The following MYO15A variants were observed in gnomAD, a reference collection of about 807,000 sequenced individuals.
The protein encoded by MYO15A is unconventional myosin-XV.
Under a neutral mutation model 394.6 loss-of-function variants are expected in MYO15A, and 308 were observed. That is an observed-to-expected ratio of 0.78 (90% CI 0.71 to 0.86). The LOEUF (loss-of-function observed/expected upper bound fraction) is 0.86. MYO15A is among the 40% of genes least tolerant of loss of function. The pLI, the probability that MYO15A is intolerant of heterozygous loss-of-function variation, is 0.00. For missense variants in MYO15A, 4,606 were observed against 4,799.1 expected, an observed-to-expected ratio of 0.96 and a Z score of 1.19; for synonymous variants, 1,957 against 2,003.8, an observed-to-expected ratio of 0.98 and a Z score of 0.62.
chr17:18,132,813 C>T lies in MYO15A; in HGVS notation c.4320+247C>T, dbSNP rs535948033. On this transcript the variant is annotated intron_variant, in intron 11 of 65. Transcript: ENST00000647165. This position sits in a 1 kb window ranked among gnomAD's most constrained non-coding sequence, Gnocchi z 4.6. ...GGAACCTGGAACAGAACCAACCAGT[C>T]TAGAGTTTCTACACTTCCCCTCTCT... is the stretch of plus-strand genomic sequence containing the variant. 6.6e-6 allele frequency among the ~76,000 whole-genome samples: 1 copy of T among 152,336 alleles called. No individual in the cohort carries two copies. Among genetic ancestry groups the T allele is most frequent in the African/African-American group, 2.4e-5 (1 of 41,580 alleles).
At position 18,124,584 on chromosome 17, in the gene MYO15A, C is replaced by T. The variant is rs758485233; in HGVS notation, c.3692+19C>T. 14 of 1,611,376 alleles carry T rather than the reference C, an allele frequency of 8.7e-6. No individual in the cohort carries two copies. The highest frequency in any genetic ancestry group is 1.1e-5 in the Non-Finnish European group (13 of 1,179,344). On this transcript the variant is annotated intron_variant, in intron 3 of 65. Coordinates refer to ENST00000647165, the MANE Select transcript of MYO15A (RefSeq NM_016239.4). ...AGCTGGAGTGAGTGGGCAGGGCCGG[C>T]GGGGTCAGCAAGGGGTCACCATGGG... is the stretch of plus-strand genomic sequence containing the variant.
At chr17:18,128,154 C>G (rs746136030) in intron 7 of MYO15A, among the ~76,000 whole-genome samples, 1 of 152,028 alleles carries the variant, frequency 6.6e-6, no homozygotes. Flanking sequence ...GGAGAACTGT[C>G]GGAGGGTGAC....
intron 1 of MYO15A, among the ~76,000 whole-genome samples, chr17:18,113,022 G>A (rs2045740599): frequency 6.6e-6 from 1 of 151,898 alleles, no homozygotes; most frequent in Non-Finnish European, 1.5e-5. Flanking sequence ...TAATTTTTTT[G>A]TATTTTAGTA....
At position 18,118,596 on chromosome 17, in the gene MYO15A, CG is replaced by C. The variant is rs1243526715; in HGVS notation, c.-204del. ...TACTGCTCTAGGGTGAAACCCAAGG[CG>C]CTCTAGAGGAGATGAATTATGGATC... On this transcript the variant is annotated 5_prime_UTR_variant, in exon 2 of 66. The change abolishes the stop of an existing upstream ORF in the 5' untranslated region. Coordinates refer to ENST00000647165, the MANE Select transcript of MYO15A (RefSeq NM_016239.4). The C allele has an allele frequency of 1.5e-6, 1 of 681,348 alleles. No homozygotes were observed. Among genetic ancestry groups the C allele is most frequent in the African/African-American group, 1.8e-5 (1 of 55,294 alleles). 42.2% of individuals were successfully genotyped at this position (681,348 alleles called of 1,614,324 possible). A position where few individuals can be genotyped will look rare whatever the true frequency, so the allele number is the denominator to read the frequency against.
intron 56 of MYO15A, among the ~76,000 whole-genome samples, 191 bp downstream of exon 56, chr17:18,160,208 T>C (rs1324008469): frequency 6.6e-6 from 1 of 152,246 alleles, no homozygotes; most frequent in East Asian, 1.9e-4. Flanking sequence ...CTCTGAACTT[T>C]AGTGCCCTCA....
rs1459224530 is a variant in MYO15A, at chr17:18,132,464, G to A, written c.4218G>A (p.Glu1406=). ...KSRIVFQAKN[E]RNYHIFYELL... is the part of the protein sequence containing the mutation. Reference sequence around the variant, plus strand: ...TACCCACTCTACAGGCCAAAAACGAGAGGAATTACCACATCTTCTACGAGT... The same window carrying A: ...TACCCACTCTACAGGCCAAAAACGAAAGGAATTACCACATCTTCTACGAGT... The change falls in exon 11 of 66, where the codon GAG becomes GAA. Residue 1406 remains glutamate (E), a synonymous_variant. Transcript: ENST00000647165. The surrounding 1 kb of genome is among the most constrained non-coding windows in gnomAD (Gnocchi z 4.6). 6.2e-7 allele frequency: 1 copy of A among 1,613,968 alleles called. No homozygotes were observed. Among genetic ancestry groups the A allele is most frequent in the South Asian group, 1.1e-5 (1 of 91,092 alleles).
chr17:18,176,196 C>T (rs1258545102), intron 65 of MYO15A, among the ~76,000 whole-genome samples: 1 of 152,132 alleles, frequency 6.6e-6, no homozygotes, highest in East Asian at 1.9e-4. Context: ...ATATCCGAGG[C>T]TGCATAATTT....
At position 18,116,261 on chromosome 17, in the gene MYO15A, C is replaced by T. The variant is rs535051448; in HGVS notation, c.-219-2321C>T. ...CCAGTGGCTTGGTCAGGGCCCTCCCCCTCCAGGCAGGAGCAGGTTGTGGGG... is the reference window on the plus strand; with the variant it reads ...CCAGTGGCTTGGTCAGGGCCCTCCCTCTCCAGGCAGGAGCAGGTTGTGGGG... On this transcript the variant is annotated intron_variant, in intron 1 of 65. Coordinates refer to ENST00000647165, the MANE Select transcript of MYO15A (RefSeq NM_016239.4). Among the ~76,000 whole-genome samples the T allele has an allele frequency of 5.9e-5, 9 of 152,362 alleles. No homozygotes were observed. In the East Asian group the frequency reaches 1.4e-3, roughly 23 times the overall value.
rs2046624311 is a variant in MYO15A, at chr17:18,153,703, A to G, written c.7967-72A>G. 6 of 1,161,424 alleles carry G rather than the reference A, an allele frequency of 5.2e-6. 1 individual carries two copies. Among genetic ancestry groups the G allele is most frequent in the Non-Finnish European group, 6.7e-6 (6 of 901,288 alleles). 71.9% of individuals were successfully genotyped at this position (1,161,424 alleles called of 1,614,324 possible). On this transcript the variant is annotated intron_variant, in intron 42 of 65. Coordinates refer to ENST00000647165, the MANE Select transcript of MYO15A (RefSeq NM_016239.4). This position sits in a 1 kb window ranked among gnomAD's most constrained non-coding sequence, Gnocchi z 4.1. ...ACAACAGCGAAACTCCGTCTCAAAA[A>G]TATATATATATATTAATTAAATAAA...
At chr17:18,158,450 GTTGTCAGT>G in intron 51 of MYO15A, 65 bp from the exon 52 acceptor site, 1 of 1,367,706 alleles carries the variant, frequency 7.3e-7, no homozygotes, top group Non-Finnish European at 1.0e-6. Flanking sequence ...TAGGGGTTGC[GTTGTCAGT>G]TTTGACCGAA....
At chr17:18,135,240 A>G (rs2046242401) in intron 12 of MYO15A, among the ~76,000 whole-genome samples, 1 of 151,992 alleles carries the variant, frequency 6.6e-6, no homozygotes, top group African/African-American at 2.4e-5. Flanking sequence ...GTGCGATCTC[A>G]GCTCACTGCA....
chr17:18,142,228 A>T lies in MYO15A; in HGVS notation c.5799A>T (p.Gln1933His). The change falls in exon 24 of 66, where the codon CAA becomes CAT. Residue 1933 changes from glutamine to histidine, a missense_variant. Gln to His is a conservative substitution (Grantham distance 24). Coordinates refer to ENST00000647165, the MANE Select transcript of MYO15A (RefSeq NM_016239.4). ...TGCGCCACAAGATCATCCTGCTGCA[A>T]AGCCGGGCCCGTGGCTACCTTGCCA... ...RSLRHKIILLQSRARGYLARQ... is the reference protein window; with the variant it reads ...RSLRHKIILLHSRARGYLARQ... The T allele has an allele frequency of 6.2e-7, 1 of 1,613,202 alleles. No homozygotes were observed. The highest frequency in any genetic ancestry group is 8.5e-7 in the Non-Finnish European group (1 of 1,179,938).
Position 18,161,386 on chromosome 17 carries a change from C to T in MYO15A, c.9456C>T (p.Leu3152=). Residue 3152 remains leucine, a synonymous_variant, in exon 57 of 66, where the codon CTC becomes CTT. Transcript: ENST00000647165. ...CCTACCACAGCTGCTCTGAGGTCCT[C>T]CACCCACACCTCACTCGCTTCCTCC... ...VTAYHSCSEV[L]HPHLTRFLQD... is the part of the protein sequence containing the mutation. The T allele has an allele frequency of 6.2e-7, 1 of 1,614,102 alleles. No individual in the cohort carries two copies. The highest frequency in any genetic ancestry group is 8.5e-7 in the Non-Finnish European group (1 of 1,180,018).
intron 22 of MYO15A, 121 bp downstream of exon 22, chr17:18,141,264 T>C: frequency 7.0e-7 from 1 of 1,433,728 alleles, no homozygotes; most frequent in Non-Finnish European, 9.6e-7. Context: ...GTTGTACACT[T>C]CACAAGGCTA....
intron 47 of MYO15A, chr17:18,155,872 A>G (rs2046666160): frequency 4.5e-6 from 2 of 445,384 alleles, no homozygotes; most frequent in African/African-American, 2.0e-5. Context: ...TAAAACCTGC[A>G]TGCTTTGAAA....
In MYO15A at chr17:18,145,822, TGGAA is replaced by T; in HGVS notation, c.6274-45_6274-42del. 4 of 1,579,870 alleles carry T rather than the reference TGGAA, an allele frequency of 2.5e-6. No homozygotes were observed. In the South Asian group the frequency reaches 4.5e-5, roughly 18 times the overall value. On this transcript the variant is annotated intron_variant, in intron 29 of 65. Transcript: ENST00000647165. Reference sequence around the variant, plus strand: ...GGGATGCATGTTGTGGGGTGGGGACTGGAAGGAACAACTTTCTGAGATGCCCAGG... The same window carrying T: ...GGGATGCATGTTGTGGGGTGGGGACTGGAACAACTTTCTGAGATGCCCAGG...
At chr17:18,138,608 A>G (rs1204048767) in intron 17 of MYO15A, among the ~76,000 whole-genome samples, 2 of 152,180 alleles carry the variant, frequency 1.3e-5, no homozygotes, top group African/African-American at 2.4e-5. Flanking sequence ...AGCTACACCT[A>G]TCTTCAAGGG....
intron 10 of MYO15A, 98 bp downstream of exon 10, chr17:18,131,629 A>G (rs912344204): frequency 1.3e-5 from 19 of 1,416,440 alleles, no homozygotes; most frequent in African/African-American, 2.8e-5. Flanking sequence ...GTAGACGTCA[A>G]ATTAATGAAC....
chr17:18,166,839 T>C (rs2046862465), intron 61 of MYO15A, among the ~76,000 whole-genome samples: 1 of 152,196 alleles, frequency 6.6e-6, no homozygotes, highest in Non-Finnish European at 1.5e-5. Flanking sequence ...GATGTCTTCC[T>C]CCTCTGAACA....
Sources: allele counts gnomAD v4.1 joint callset (sites outside exome capture counted in the v4.1 genomes callset), GRCh38; gene constraint gnomAD v4.1.1; non-coding constraint Gnocchi (gnomAD v3.1); transcripts MANE v1.5; gene names NCBI Gene and HGNC (gene_info 2026-07-23, HGNC 2026-07-21).